The following HEMK2 variants were observed in gnomAD, a reference collection of about 807,000 sequenced individuals.
The protein encoded by HEMK2 is methyltransferase HEMK2.
At chr21:28,849,841 T>A in the HEMK2 span, among the ~76,000 whole-genome samples, 13 of 152,070 alleles carry the variant, frequency 8.5e-5, no homozygotes, top group African/African-American at 2.9e-4. Flanking sequence ...GAAGAATGAA[T>A]AAAACCTCCA....
At chr21:28,831,566 GGAAAGAAA>G in the HEMK2 span, among the ~76,000 whole-genome samples, 4,094 of 64,748 alleles carry the variant, frequency 0.063, 275 homozygotes, top group East Asian at 0.13. Context: ...AAGGAAAGAA[GGAAAGAAA>G]GAAAGAAGGA....
the HEMK2 span, among the ~76,000 whole-genome samples, chr21:28,746,978 G>C: frequency 6.6e-6 from 1 of 152,198 alleles, no homozygotes; most frequent in Admixed American, 6.5e-5. Flanking sequence ...CATGGAGACA[G>C]GAATTTATGG....
At chr21:28,611,260 T>C in the HEMK2 span, among the ~76,000 whole-genome samples, 6 of 152,122 alleles carry the variant, frequency 3.9e-5, no homozygotes, top group Non-Finnish European at 8.8e-5. Context: ...CTCAAAATAA[T>C]GCAAATACGT....
chr21:28,774,783 A>T, the HEMK2 span, among the ~76,000 whole-genome samples: 1 of 152,166 alleles, frequency 6.6e-6, no homozygotes, highest in African/African-American at 2.4e-5. Flanking sequence ...CGTAAGTATT[A>T]TTTCTTTTGA....
At chr21:28,620,139 G>A in the HEMK2 span, among the ~76,000 whole-genome samples, 1 of 152,178 alleles carries the variant, frequency 6.6e-6, no homozygotes, top group Admixed American at 6.5e-5. Context: ...TGGTGGATAA[G>A]CTTTTTGATG....
chr21:28,877,002 AGGG>A, the HEMK2 span, among the ~76,000 whole-genome samples: 3 of 59,508 alleles, frequency 5.0e-5, no homozygotes, highest in African/African-American at 7.4e-5. Context: ...GGAGGGAGGG[AGGG>A]AGGAAGGAAG....
the HEMK2 span, among the ~76,000 whole-genome samples, chr21:28,664,326 T>C: frequency 6.6e-6 from 1 of 152,214 alleles, no homozygotes; most frequent in Non-Finnish European, 1.5e-5. Flanking sequence ...AATAAATATA[T>C]GTACATGCAT....
chr21:28,650,274 A>G, the HEMK2 span, among the ~76,000 whole-genome samples: 10 of 152,156 alleles, frequency 6.6e-5, no homozygotes, highest in Non-Finnish European at 1.3e-4. Flanking sequence ...AGGTGCCTGT[A>G]ATAGCAGCTA....
the HEMK2 span, among the ~76,000 whole-genome samples, chr21:28,595,560 T>A: frequency 6.6e-6 from 1 of 152,168 alleles, no homozygotes; most frequent in Non-Finnish European, 1.5e-5. Context: ...AATACTACAT[T>A]TTTTTAACCA....
the HEMK2 span, among the ~76,000 whole-genome samples, chr21:28,852,856 A>G: frequency 6.6e-6 from 1 of 152,214 alleles, no homozygotes; most frequent in Non-Finnish European, 1.5e-5. Flanking sequence ...AGCCAATGTC[A>G]GAGCTCAACA....
chr21:28,725,206 C>A, the HEMK2 span, among the ~76,000 whole-genome samples: 2 of 152,166 alleles, frequency 1.3e-5, no homozygotes, highest in Non-Finnish European at 2.9e-5. Flanking sequence ...ACCTAGCATG[C>A]ACCCAATAAA....
chr21:28,601,814 A>G, the HEMK2 span, among the ~76,000 whole-genome samples: 2 of 152,204 alleles, frequency 1.3e-5, no homozygotes, highest in Admixed American at 1.3e-4. Context: ...TGAATGAATG[A>G]ATGGATGTCT....
the HEMK2 span, among the ~76,000 whole-genome samples, chr21:28,856,236 G>GA: frequency 7.9e-5 from 12 of 152,024 alleles, no homozygotes; most frequent in Non-Finnish European, 1.8e-4. Context: ...CAAACATGGT[G>GA]AAACCCTAAC....
At chr21:28,629,269 G>A in the HEMK2 span, among the ~76,000 whole-genome samples, 3 of 152,200 alleles carry the variant, frequency 2.0e-5, no homozygotes, top group Non-Finnish European at 4.4e-5. Flanking sequence ...GAAAGGAGGA[G>A]GTGGGTGGCA....
chr21:28,591,022 G>A, the HEMK2 span, among the ~76,000 whole-genome samples: 1 of 152,156 alleles, frequency 6.6e-6, no homozygotes, highest in Non-Finnish European at 1.5e-5. Flanking sequence ...TTTTGTTACA[G>A]CACCTCCTGC....
chr21:28,775,816 G>T, the HEMK2 span, among the ~76,000 whole-genome samples: 1 of 152,102 alleles, frequency 6.6e-6, no homozygotes, highest in Non-Finnish European at 1.5e-5. Context: ...AGAAAATGGA[G>T]ACTAAGTGTA....
the HEMK2 span, among the ~76,000 whole-genome samples, chr21:28,682,861 A>G: frequency 6.6e-6 from 1 of 152,164 alleles, no homozygotes; most frequent in African/African-American, 2.4e-5. Flanking sequence ...ATGAGAACAC[A>G]TGGACACAGG....
At chr21:28,706,252 C>T in the HEMK2 span, among the ~76,000 whole-genome samples, 1 of 152,104 alleles carries the variant, frequency 6.6e-6, no homozygotes, top group Non-Finnish European at 1.5e-5. Flanking sequence ...TAGTGTATAT[C>T]TTTGAGCATT....
chr21:28,723,504 C>G, the HEMK2 span, among the ~76,000 whole-genome samples: 12 of 152,244 alleles, frequency 7.9e-5, no homozygotes, highest in South Asian at 2.3e-3. Context: ...GGGATCTTGG[C>G]ATATCACAGA....
Sources: gnomAD v4.1 joint callset for allele counts (sites outside exome capture counted in the v4.1 genomes callset) on GRCh38, gnomAD v4.1.1 for gene constraint, MANE v1.5 for transcripts, NCBI Gene and HGNC (gene_info 2026-07-23, HGNC 2026-07-21) for gene names.